Variants in NSDHL observed in about 807,000 individuals in gnomAD.
NSDHL encodes sterol-4-alpha-carboxylate 3-dehydrogenase, decarboxylating.
Under a neutral mutation model 23.0 loss-of-function variants are expected in NSDHL, and 1 was observed. The observed-to-expected ratio is 0.04, with a 90% confidence interval of 0.02 to 0.21. The LOEUF (loss-of-function observed/expected upper bound fraction) is 0.21, where lower values mean the gene tolerates loss of function less well. NSDHL is among the 10% of genes least tolerant of loss of function. The pLI, the probability that NSDHL is intolerant of heterozygous loss-of-function variation, is 1.00. For synonymous variants in NSDHL, 128 were observed against 121.1 expected (o/e 1.06, Z -0.37); for missense variants, 237 against 300.9 (o/e 0.79, Z 1.57).
rs782041671 is a variant in NSDHL, at chrX:152,868,863, C to T, written c.869C>T (p.Ala290Val). 2.5e-6 allele frequency: 3 copies of T among 1,209,056 alleles called. No homozygotes were observed. The highest frequency in any genetic ancestry group is 2.2e-5 in the Admixed American group (1 of 45,855). ...SRILTGLNYE[A>V]PKYHIPYWVA... ...ATCCTGACAGGCCTCAATTATGAGG[C>T]CCCCAAGTACCACATCCCCTACTGG... The change falls in exon 8 of 8, where the codon GCC becomes GTC. Residue 290 changes from alanine (A) to valine (V), a missense_variant. Ala to Val is a moderately conservative substitution (Grantham distance 64, BLOSUM62 0). Around this residue, in one of 3 missense-constraint regions of NSDHL, gnomAD observed 117 missense variants for 99.5 expected, o/e 1.18. Transcript: ENST00000370274.
Position 152,850,307 on chromosome X carries a change from C to A in NSDHL, c.151C>A (p.Gln51Lys). 8.3e-7 allele frequency: 1 copy of A among 1,210,811 alleles called. No individual in the cohort carries two copies. Among genetic ancestry groups the A allele is most frequent in the Non-Finnish European group, 1.1e-6 (1 of 894,627 alleles). Reference sequence around the variant, plus strand: ...GATCGGTGGCTCTGGATTCCTGGGGCAGCACATGGTGGAGCAGTTGCTGGC... The same window carrying A: ...GATCGGTGGCTCTGGATTCCTGGGGAAGCACATGGTGGAGCAGTTGCTGGC... Reference protein sequence around the residue: ...TVIGGSGFLGQHMVEQLLARG... With the variant: ...TVIGGSGFLGKHMVEQLLARG... The change falls in exon 3 of 8, where the codon CAG becomes AAG. Residue 51 changes from glutamine to lysine, a missense_variant. This residue lies in a region of NSDHL where 81 missense variants were observed against 103.3 expected (regional missense o/e 0.78). Transcript: ENST00000370274.
intron 1 of NSDHL, among the ~76,000 whole-genome samples, chrX:152,835,007 G>A (rs1355108618): frequency 7.3e-5 from 6 of 81,931 alleles, no homozygotes; most frequent in Admixed American, 1.7e-4. Context: ...TTTCTAGAAG[G>A]ACGGGACGCT....
chrX:152,841,594 A>G (rs148517851), intron 1 of NSDHL, among the ~76,000 whole-genome samples: 578 of 112,013 alleles, frequency 5.2e-3, no homozygotes, highest in African/African-American at 0.018. Context: ...TATTATTTTT[A>G]GCTTAAGATT....
At chrX:152,865,755 G>C in intron 5 of NSDHL, 64 bp from the exon 6 acceptor site, 1 of 1,182,781 alleles carries the variant, frequency 8.5e-7, no homozygotes, top group Non-Finnish European at 1.2e-6. Flanking sequence ...ACCCAGCGAG[G>C]CACTCTCTTG....
At chrX:152,845,879 G>C (rs1758560469) in intron 1 of NSDHL, among the ~76,000 whole-genome samples, 1 of 112,551 alleles carries the variant, frequency 8.9e-6, no homozygotes, top group Non-Finnish European at 1.9e-5. Context: ...GATAGGCCCA[G>C]AGCAGGACTC....
intron 1 of NSDHL, among the ~76,000 whole-genome samples, chrX:152,838,178 C>T (rs1272999779): frequency 1.8e-5 from 2 of 110,898 alleles, no homozygotes; most frequent in African/African-American, 6.6e-5. Flanking sequence ...CTATTTGATT[C>T]TTCTCTCTTT....
At chrX:152,855,441 TTATAGTC>T (rs1569474042) in intron 3 of NSDHL, among the ~76,000 whole-genome samples, 1 of 112,239 alleles carries the variant, frequency 8.9e-6, no homozygotes, top group Admixed American at 9.5e-5. Flanking sequence ...TTTTTATCAT[TTATAGTC>T]TATAGAGAAT....
intron 3 of NSDHL, among the ~76,000 whole-genome samples, chrX:152,851,442 G>C (rs782236580): frequency 9.0e-6 from 1 of 111,423 alleles, no homozygotes; most frequent in Non-Finnish European, 1.9e-5. Flanking sequence ...TCCTGTGCCC[G>C]TTGTACTTAT....
At position 152,868,823 on chromosome X, in the gene NSDHL, A is replaced by G. The variant is rs1556848444; in HGVS notation, c.829A>G (p.Thr277Ala). 1 of 1,209,830 alleles carries G rather than the reference A, an allele frequency of 8.3e-7. No individual in the cohort carries two copies. The change falls in exon 8 of 8, where the codon ACA becomes GCA. Residue 277 changes from threonine to alanine, a missense_variant. Physicochemically the swap from Thr to Ala is moderately conservative, Grantham distance 58. This residue lies in a region of NSDHL where 117 missense variants were observed against 99.5 expected (regional missense o/e 1.18). Transcript: ENST00000370274. ...ITNDEPIPFW[T>A]FLSRILTGLN... Reference sequence around the variant, plus strand: ...CAATGATGAGCCCATCCCTTTCTGGACATTCCTGTCTCGCATCCTGACAGG... The same window carrying G: ...CAATGATGAGCCCATCCCTTTCTGGGCATTCCTGTCTCGCATCCTGACAGG...
At chrX:152,842,625 C>G (rs1317478130) in intron 1 of NSDHL, among the ~76,000 whole-genome samples, 1 of 111,686 alleles carries the variant, frequency 9.0e-6, no homozygotes, top group Admixed American at 9.5e-5. Flanking sequence ...CCTCAGCCTC[C>G]CGAGTAGTTG....
chrX:152,838,384 T>C (rs1175633505), intron 1 of NSDHL, among the ~76,000 whole-genome samples: 1 of 112,004 alleles, frequency 8.9e-6, no homozygotes, highest in Non-Finnish European at 1.9e-5. Context: ...CTTTTAATTG[T>C]GATGTTAGGG....
At chrX:152,842,243 T>C (rs1406838472) in intron 1 of NSDHL, among the ~76,000 whole-genome samples, 3 of 111,935 alleles carry the variant, frequency 2.7e-5, no homozygotes, top group African/African-American at 9.8e-5. Context: ...ATGAAATTGC[T>C]GGATCCTATT....
rs782507317 is a variant in NSDHL at position 152,855,045 on chromosome X, A to G, written c.268-3725A>G. Among the ~76,000 whole-genome samples the G allele has an allele frequency of 3.0e-5, 3 of 101,081 alleles. No individual in the cohort carries two copies. In the South Asian group the frequency reaches 1.4e-3, roughly 47 times the overall value. The allele number at this position is 101,081 out of a possible 115,157, so 87.8% of individuals were successfully genotyped here. On this transcript the variant is annotated intron_variant, in intron 3 of 7. Coordinates refer to ENST00000370274, the MANE Select transcript of NSDHL (RefSeq NM_015922.3). ...AGTCTTGCGCTGTCGCCCAGGCTGT[A>G]GTGCAGTGGCGTGATCTTGACTCAC...
intron 3 of NSDHL, among the ~76,000 whole-genome samples, chrX:152,856,820 G>A (rs1428837646): frequency 8.8e-6 from 1 of 113,004 alleles, no homozygotes; most frequent in Admixed American, 9.3e-5. Flanking sequence ...ACTTTGGGAG[G>A]CCAAGACAGG....
chrX:152,851,663 T>C (rs1269659714), intron 3 of NSDHL, among the ~76,000 whole-genome samples: 2 of 110,869 alleles, frequency 1.8e-5, no homozygotes, highest in African/African-American at 6.6e-5. Context: ...TTCTCCCTCA[T>C]GCTGCTCTAA....
chrX:152,850,436 G>A lies in NSDHL; in HGVS notation c.267+13G>A. ...CTGCAGCCGACAGGTAATGGACCAT[G>A]CAGCCTTGCTGATTTCCCACGAGCC... On this transcript the variant is annotated intron_variant, in intron 3 of 7. Transcript: ENST00000370274. 8.3e-7 allele frequency: 1 copy of A among 1,208,420 alleles called. No homozygotes were observed. The highest frequency in any genetic ancestry group is 1.1e-6 in the Non-Finnish European group (1 of 892,219).
At chrX:152,841,715 C>T (rs1344280493) in intron 1 of NSDHL, among the ~76,000 whole-genome samples, 1 of 112,496 alleles carries the variant, frequency 8.9e-6, no homozygotes, top group Non-Finnish European at 1.9e-5. Flanking sequence ...TAACAATCCA[C>T]CAGCCCCTAA....
At chrX:152,847,077 G>A (rs782598633) in intron 2 of NSDHL, among the ~76,000 whole-genome samples, 52 of 111,981 alleles carry the variant, frequency 4.6e-4, no homozygotes, top group Admixed American at 2.0e-3. Context: ...CGAGACAGGT[G>A]GATCACCAGA....
rs146756255 is a variant in NSDHL at position 152,862,543 on chromosome X, G to A, written c.415-53G>A. 5.1e-5 allele frequency: 58 copies of A among 1,143,288 alleles called. No individual in the cohort carries two copies. The African/African-American group carries it at 9.3e-4, about 18-fold the overall frequency. 94.2% of individuals were successfully genotyped at this position (1,143,288 alleles called of 1,213,427 possible). The stretch of plus-strand genomic sequence containing the variant: ...TCTCTTTCATACAGGATCATGCACT[G>A]TTTGAATTGTGATAATTTGTGACTT... On this transcript the variant is annotated intron_variant, in intron 4 of 7. Coordinates refer to ENST00000370274, the MANE Select transcript of NSDHL (RefSeq NM_015922.3).
Sources: gnomAD v4.1 joint callset for allele counts (sites outside exome capture counted in the v4.1 genomes callset) on GRCh38, gnomAD v4.1.1 for gene constraint, gnomAD v4.1.1 regional missense constraint, MANE v1.5 for transcripts, NCBI Gene and HGNC (gene_info 2026-07-23, HGNC 2026-07-21) for gene names.